PPP2R2C: variants seen among roughly 807,000 people sequenced by gnomAD.
The protein encoded by PPP2R2C is protein phosphatase 2, regulatory subunit B, gamma.
A neutral mutation model predicts 45.3 loss-of-function variants in PPP2R2C; 10 were observed. That is an observed-to-expected ratio of 0.22 (90% CI 0.14 to 0.37). The LOEUF is 0.37. PPP2R2C is among the 10% of genes least tolerant of loss of function. The pLI is 1.00. For synonymous variants in PPP2R2C, 257 were observed against 245.4 expected, an observed-to-expected ratio of 1.05 and a Z score of -0.44; for missense variants, 308 against 619.7, an observed-to-expected ratio of 0.50 and a Z score of 5.34.
chr4:6,482,868 T>C (rs767157354), intron 2 of PPP2R2C, among the ~76,000 whole-genome samples: 41 of 152,308 alleles, frequency 2.7e-4, no homozygotes, highest in Non-Finnish European at 4.1e-4. Context: ...ATGCCCTTTC[T>C]CGGGTTGAGT....
At chr4:6,490,080 C>G (rs1722649911) in intron 2 of PPP2R2C, among the ~76,000 whole-genome samples, 1 of 152,194 alleles carries the variant, frequency 6.6e-6, no homozygotes, top group African/African-American at 2.4e-5. Flanking sequence ...ACTTGCCAGC[C>G]ATGTGTGCAG....
At chr4:6,525,646 G>A (rs1724173912) in intron 2 of PPP2R2C, among the ~76,000 whole-genome samples, 1 of 152,122 alleles carries the variant, frequency 6.6e-6, no homozygotes, top group Non-Finnish European at 1.5e-5. Context: ...CCCTACTGCT[G>A]ATTCCAACCA....
chr4:6,562,275 C>A (rs182789230), intron 1 of PPP2R2C, among the ~76,000 whole-genome samples: 27 of 152,318 alleles, frequency 1.8e-4, no homozygotes, highest in African/African-American at 6.3e-4. Context: ...CACAGCCCGT[C>A]CCCTCCATGT....
Position 6,330,472 on chromosome 4 carries a change from A to C in PPP2R2C, c.961-1119T>G, listed in dbSNP as rs1186322199. ...TTTAAGCTGATATACTGAGTAAAGC[A>C]GGCTGCCCTCCATCATGTGGGGGGC... On this transcript the variant is annotated intron_variant, in intron 7 of 8. Transcript: ENST00000382599. This position sits in a 1 kb window ranked among gnomAD's most constrained non-coding sequence, Gnocchi z 7.0. Among the ~76,000 whole-genome samples, 2 of 152,276 alleles carry C rather than the reference A, an allele frequency of 1.3e-5. No individual in the cohort carries two copies. The highest frequency in any genetic ancestry group is 3.9e-4 in the East Asian group (2 of 5,170).
At chr4:6,365,226 G>A (rs951338067) in intron 5 of PPP2R2C, among the ~76,000 whole-genome samples, 3 of 152,186 alleles carry the variant, frequency 2.0e-5, no homozygotes, top group South Asian at 4.1e-4. Context: ...GCACAGAACC[G>A]TGGGCAGGTA....
At chr4:6,449,959 G>GCTT (rs2108744904) in intron 1 of PPP2R2C, among the ~76,000 whole-genome samples, 2 of 152,318 alleles carry the variant, frequency 1.3e-5, no homozygotes, top group African/African-American at 4.8e-5. Context: ...TCCTCTCCAG[G>GCTT]CTTCCCCGGG....
At chr4:6,496,327 T>A (rs1218735032) in intron 2 of PPP2R2C, among the ~76,000 whole-genome samples, 1 of 152,168 alleles carries the variant, frequency 6.6e-6, no homozygotes, top group Non-Finnish European at 1.5e-5. Context: ...CAAAGAATCA[T>A]CCCATCTGGA....
At position 6,368,091 on chromosome 4, in the gene PPP2R2C, G is replaced by T. The variant is rs1714488692; in HGVS notation, c.625+4432C>A. 6.6e-6 allele frequency among the ~76,000 whole-genome samples: 1 copy of T among 152,098 alleles called. No homozygotes were observed. Among genetic ancestry groups the T allele is most frequent in the Admixed American group, 6.5e-5 (1 of 15,280 alleles). On this transcript the variant is annotated intron_variant, in intron 5 of 8. Transcript: ENST00000382599. The surrounding 1 kb of genome is among the most constrained non-coding windows in gnomAD (Gnocchi z 4.2). ...GGTGTGCGGCCAGGGATGTTCCCAG[G>T]ATCCACAGGGGCCCCCGATCTGCTG...
At chr4:6,373,901 A>G (rs6845713) in intron 4 of PPP2R2C, among the ~76,000 whole-genome samples, 13,981 of 146,930 alleles carry the variant, frequency 0.095, 1,018 homozygotes, top group East Asian at 0.16. Flanking sequence ...ATGTGCATGC[A>G]TGTGTGTGTG....
chr4:6,417,730 G>T (rs548392842), intron 1 of PPP2R2C, among the ~76,000 whole-genome samples: 1 of 152,340 alleles, frequency 6.6e-6, no homozygotes, highest in South Asian at 2.1e-4. Flanking sequence ...GGCTTTCTCA[G>T]AACCCGCACT....
intron 1 of PPP2R2C, among the ~76,000 whole-genome samples, chr4:6,444,086 G>A (rs1720298731): frequency 6.6e-6 from 1 of 152,144 alleles, no homozygotes; most frequent in Non-Finnish European, 1.5e-5. Context: ...AGGTCCAAAT[G>A]CCTGATTAGG....
At position 6,514,159 on chromosome 4, in the gene PPP2R2C, C is replaced by A. The variant is rs115453942; in HGVS notation, c.49+21112G>T. ...CAAAACCTGGTATAATTTAGCTATT[C>A]TTTTCCTATGTATCTAAATAGCAGG... On this transcript the variant is annotated intron_variant, in intron 2 of 9. Transcript: ENST00000506140. Among the ~76,000 whole-genome samples, 281 of 152,148 alleles carry A rather than the reference C, an allele frequency of 1.8e-3. 1 individual carries two copies. Among genetic ancestry groups the A allele is most frequent in the African/African-American group, 6.4e-3 (264 of 41,494 alleles).
chr4:6,470,571 G>C (rs992840579), intron 1 of PPP2R2C, among the ~76,000 whole-genome samples: 1 of 152,192 alleles, frequency 6.6e-6, no homozygotes, highest in South Asian at 2.1e-4. Flanking sequence ...GGGAGCAGCG[G>C]GGCAACCTGC....
At chr4:6,494,546 C>T (rs771909684) in intron 2 of PPP2R2C, among the ~76,000 whole-genome samples, 75 of 152,330 alleles carry the variant, frequency 4.9e-4, no homozygotes, top group Admixed American at 1.0e-3. Context: ...ACACGGGTGC[C>T]AGATGCCCAG....
At chr4:6,424,698 G>A (rs1577172570) in intron 1 of PPP2R2C, among the ~76,000 whole-genome samples, 1 of 152,350 alleles carries the variant, frequency 6.6e-6, no homozygotes, top group East Asian at 1.9e-4. Context: ...CATGGAGGCA[G>A]AGGGGCCGTG....
At chr4:6,325,039 T>C (rs1315265166) in intron 8 of PPP2R2C, among the ~76,000 whole-genome samples, 2 of 152,202 alleles carry the variant, frequency 1.3e-5, no homozygotes, top group Admixed American at 1.3e-4. Context: ...GGTGGATCCC[T>C]GGGTCTCCAG....
At chr4:6,403,189 G>A (rs115738906) in intron 1 of PPP2R2C, among the ~76,000 whole-genome samples, 593 of 152,238 alleles carry the variant, frequency 3.9e-3, no homozygotes, top group African/African-American at 0.01. Context: ...CCGGGCTGTC[G>A]CTCTCATGCA....
chr4:6,472,055 G>A, intron 1 of PPP2R2C, 105 bp downstream of exon 1: 4 of 1,385,924 alleles, frequency 2.9e-6, no homozygotes, highest in South Asian at 1.2e-5. Context: ...TGGGGCGGGG[G>A]GACACGACAC....
chr4:6,500,618 G>T (rs1438327221), intron 2 of PPP2R2C, among the ~76,000 whole-genome samples: 1 of 152,214 alleles, frequency 6.6e-6, no homozygotes, highest in Non-Finnish European at 1.5e-5. Context: ...CCAGGACATT[G>T]CCAAAGAACC....
Sources: gnomAD v4.1 joint callset for allele counts (sites outside exome capture counted in the v4.1 genomes callset) on GRCh38, gnomAD v4.1.1 for gene constraint, Gnocchi (gnomAD v3.1) non-coding constraint, MANE v1.5 for transcripts, NCBI Gene and HGNC (gene_info 2026-07-23, HGNC 2026-07-21) for gene names.